CHD7: variants seen among roughly 807,000 people sequenced by gnomAD.
The protein encoded by CHD7 is ATP-dependent chromatin remodeler CHD7.
Under a neutral mutation model 307.3 loss-of-function variants are expected in CHD7, and 24 were observed. The ratio of observed to expected loss-of-function variants is 0.08; its 90% CI spans 0.06 to 0.11. The LOEUF is 0.11. CHD7 is among the 10% of genes least tolerant of loss of function. The pLI is 1.00. For missense variants in CHD7, 3,106 were observed against 3,727.1 expected (o/e 0.83, Z 4.34); for synonymous variants, 1,363 against 1,349.9 (o/e 1.01, Z -0.21).
At chr8:60,798,257 TGTA>T (rs1446910055) in intron 4 of CHD7, among the ~76,000 whole-genome samples, 1 of 152,224 alleles carries the variant, frequency 6.6e-6, no homozygotes, top group Non-Finnish European at 1.5e-5. Flanking sequence ...AGCTTTGTCC[TGTA>T]GAGGAGGGTC....
intron 4 of CHD7, among the ~76,000 whole-genome samples, chr8:60,797,187 TG>T (rs1000733041): frequency 2.0e-5 from 3 of 152,216 alleles, no homozygotes; most frequent in Admixed American, 2.0e-4. Flanking sequence ...AATTTTACAT[TG>T]GGGAATTGTA....
At chr8:60,783,651 A>G (rs1329493038) in intron 3 of CHD7, among the ~76,000 whole-genome samples, 2 of 152,174 alleles carry the variant, frequency 1.3e-5, no homozygotes, top group Admixed American at 6.5e-5. Context: ...GCTATAGGCA[A>G]CAGTTATTTT....
chr8:60,756,649 C>T (rs576662721), intron 2 of CHD7, among the ~76,000 whole-genome samples: 14 of 152,284 alleles, frequency 9.2e-5, no homozygotes, highest in Admixed American at 2.0e-4. Flanking sequence ...CTGTGAATAG[C>T]CACTGCACTC....
Position 60,856,642 on chromosome 8 carries a change from T to C in CHD7, c.7362T>C (p.Ser2454=), listed in dbSNP as rs780520531. The change falls in exon 34 of 38, where the codon TCT becomes TCC. Residue 2454 remains serine (S), a synonymous_variant. Transcript: ENST00000423902. ...AGGCCTCAAGAGAGGCAACAAGCTC[T>C]ACCTCAAATTTTTCATCTCTTTCTT... The part of the protein sequence containing the change: ...LSKASREATS[S]TSNFSSLSSK... The C allele has an allele frequency of 6.2e-7, 1 of 1,614,030 alleles. No homozygotes were observed. The highest frequency in any genetic ancestry group is 8.5e-7 in the Non-Finnish European group (1 of 1,179,884).
At chr8:60,836,773 G>T in intron 16 of CHD7, 44 bp from the exon 17 acceptor site, 1 of 1,400,698 alleles carries the variant, frequency 7.1e-7, no homozygotes, top group East Asian at 2.3e-5. Context: ...CAAGTATGTT[G>T]TCGCTATGCG....
chr8:60,775,218 T>G (rs1018778088), intron 2 of CHD7, among the ~76,000 whole-genome samples: 20 of 152,194 alleles, frequency 1.3e-4, no homozygotes, highest in African/African-American at 4.8e-4. Flanking sequence ...TTTTTAAAAT[T>G]TAATGATTCT....
intron 28 of CHD7, among the ~76,000 whole-genome samples, chr8:60,851,740 TAGAGG>T (rs1411135359): frequency 1.3e-5 from 2 of 152,234 alleles, no homozygotes; most frequent in African/African-American, 2.4e-5. Flanking sequence ...GCACATACAT[TAGAGG>T]AGAGTACCTT....
At position 60,741,984 on chromosome 8, in the gene CHD7, G is replaced by T; in HGVS notation, c.552G>T (p.Gln184His). The change falls in exon 2 of 38, where the codon CAG becomes CAT. Residue 184 changes from glutamine to histidine, a missense_variant. By Grantham distance (24) the Gln-to-His change is conservative. Around this residue, in one of 10 missense-constraint regions of CHD7, gnomAD observed 998 missense variants for 1,004.5 expected, o/e 0.99. Transcript: ENST00000423902. ...GGCCCCCTGCACAGGGCCACCCTCA[G>T]CACATGCAGCAGATGGGCAGCTATA... ...PSGPPAQGHP[Q>H]HMQQMGSYMA... The T allele has an allele frequency of 2.5e-6, 4 of 1,613,770 alleles. No individual in the cohort carries two copies. Among genetic ancestry groups the T allele is most frequent in the Non-Finnish European group, 3.4e-6 (4 of 1,179,840 alleles).
intron 1 of CHD7, among the ~76,000 whole-genome samples, chr8:60,738,225 A>G (rs986037850): frequency 6.6e-6 from 1 of 152,240 alleles, no homozygotes; most frequent in African/African-American, 2.4e-5. Context: ...TAAATTACAT[A>G]CTGGGTTTCA....
chr8:60,804,067 A>C (rs1761582760), intron 6 of CHD7, among the ~76,000 whole-genome samples: 1 of 152,196 alleles, frequency 6.6e-6, no homozygotes, highest in Non-Finnish European at 1.5e-5. Context: ...ATTATGATGG[A>C]GTTGTGCAAA....
intron 23 of CHD7, 90 bp downstream of exon 23, chr8:60,845,499 C>G: frequency 1.4e-6 from 2 of 1,380,470 alleles, no homozygotes; most frequent in Non-Finnish European, 2.0e-6. Flanking sequence ...TCTGCAGATG[C>G]AGAACTCGCA....
intron 2 of CHD7, among the ~76,000 whole-genome samples, chr8:60,763,960 C>T (rs1810347584): frequency 6.6e-6 from 1 of 152,164 alleles, no homozygotes; most frequent in Non-Finnish European, 1.5e-5. Flanking sequence ...TAACCTTCAT[C>T]TGCAGTGACT....
chr8:60,733,132 G>T (rs1191904832), intron 1 of CHD7, among the ~76,000 whole-genome samples: 1 of 151,916 alleles, frequency 6.6e-6, no homozygotes, highest in Non-Finnish European at 1.5e-5. Flanking sequence ...CTACTTGGGA[G>T]CCCGCACTGG....
intron 1 of CHD7, among the ~76,000 whole-genome samples, chr8:60,680,352 G>C (rs1364303553): frequency 6.9e-6 from 1 of 144,328 alleles, no homozygotes; most frequent in Non-Finnish European, 1.5e-5. Context: ...GCACCGGCTG[G>C]GCTGCGGTGC....
At chr8:60,733,353 A>G (rs929845199) in intron 1 of CHD7, among the ~76,000 whole-genome samples, 1 of 152,172 alleles carries the variant, frequency 6.6e-6, no homozygotes, top group African/African-American at 2.4e-5. Flanking sequence ...CTTTTGCCAT[A>G]CAATGTTGAG....
intron 1 of CHD7, among the ~76,000 whole-genome samples, chr8:60,725,084 A>G (rs1808099575): frequency 1.3e-5 from 2 of 152,322 alleles, no homozygotes; most frequent in South Asian, 4.1e-4. Flanking sequence ...CCTTTATCCT[A>G]GTCACAGCGA....
rs112629399 is a variant in CHD7, at chr8:60,810,380, A to AGTGTGTGTGTGTGTGT, written c.2498+2123_2498+2138dup. On this transcript the variant is annotated intron_variant, in intron 7 of 37. Transcript: ENST00000423902. The stretch of plus-strand genomic sequence containing the variant: ...GTGGATAGGACTGGGAGAGAGAGAG[A>AGTGTGTGTGTGTGTGT]GTGTGTGTGTGTGTGTGTGTGTGTG... Among the ~76,000 whole-genome samples the AGTGTGTGTGTGTGTGT allele has an allele frequency of 2.7e-5, 4 of 146,092 alleles. No individual in the cohort carries two copies. The South Asian group carries it at 8.8e-4, about 32-fold the overall frequency.
intron 1 of CHD7, among the ~76,000 whole-genome samples, chr8:60,740,404 G>T (rs920866885): frequency 6.6e-6 from 1 of 152,226 alleles, no homozygotes; most frequent in African/African-American, 2.4e-5. Flanking sequence ...GAGTGGTCAC[G>T]TGGGATTCTG....
intron 2 of CHD7, among the ~76,000 whole-genome samples, chr8:60,774,684 G>C (rs187736686): frequency 2.0e-5 from 3 of 152,242 alleles, no homozygotes; most frequent in African/African-American, 7.2e-5. Context: ...AAGGGCAGTG[G>C]TGGGTATGGC....
Sources: gnomAD v4.1 joint callset for allele counts (sites outside exome capture counted in the v4.1 genomes callset) on GRCh38, gnomAD v4.1.1 for gene constraint, gnomAD v4.1.1 regional missense constraint, MANE v1.5 for transcripts, NCBI Gene and HGNC (gene_info 2026-07-23, HGNC 2026-07-21) for gene names.